Variants in TNRC6A observed in about 807,000 individuals in gnomAD.
TNRC6A encodes the protein trinucleotide repeat containing adaptor 6A.
A neutral mutation model predicts 221.2 loss-of-function variants in TNRC6A; 44 were observed. That is an observed-to-expected ratio of 0.20 (90% CI 0.16 to 0.26). TNRC6A has a LOEUF of 0.26. Ranked by LOEUF, TNRC6A falls within the 10% of genes least tolerant of loss-of-function variation. The pLI, the probability that TNRC6A is intolerant of heterozygous loss-of-function variation, is 1.00. For missense variants in TNRC6A, 2,199 were observed against 2,404.4 expected, an observed-to-expected ratio of 0.91 and a Z score of 1.79; for synonymous variants, 847 against 838.5, an observed-to-expected ratio of 1.01 and a Z score of -0.18.
At chr16:24,641,352 G>C (rs1470401871) in intron 2 of TNRC6A, among the ~76,000 whole-genome samples, 1 of 152,158 alleles carries the variant, frequency 6.6e-6, no homozygotes, top group Non-Finnish European at 1.5e-5. Context: ...AAAATCAATG[G>C]CCACTTGCAG....
intron 5 of TNRC6A, among the ~76,000 whole-genome samples, chr16:24,781,775 C>T (rs1248207333): frequency 6.6e-6 from 1 of 152,070 alleles, no homozygotes; most frequent in Non-Finnish European, 1.5e-5. Context: ...ACTCTTCCCT[C>T]TCCTATATGT....
intron 4 of TNRC6A, among the ~76,000 whole-genome samples, chr16:24,769,892 T>C (rs1287089118): frequency 2.0e-5 from 3 of 152,242 alleles, no homozygotes; most frequent in African/African-American, 7.2e-5. Flanking sequence ...TGGCAATTCC[T>C]GGATTATTCA....
At chr16:24,623,059 C>T (rs1440918893) in intron 1 of TNRC6A, among the ~76,000 whole-genome samples, 1 of 152,134 alleles carries the variant, frequency 6.6e-6, no homozygotes, top group African/African-American at 2.4e-5. Flanking sequence ...ACAGAGGAAC[C>T]GCTGTGCGTA....
intron 23 of TNRC6A, 55 bp from the exon 24 acceptor site, chr16:24,822,819 T>C: frequency 6.2e-7 from 1 of 1,608,576 alleles, no homozygotes; most frequent in Non-Finnish European, 8.5e-7. Context: ...TGAAACAGCC[T>C]CCTGGAGGGC....
chr16:24,761,692 AT>A (rs572729470), intron 4 of TNRC6A, among the ~76,000 whole-genome samples: 1 of 149,600 alleles, frequency 6.7e-6, no homozygotes, highest in African/African-American at 2.5e-5. Flanking sequence ...GGGGCAGGCT[AT>A]TTTTTTTTCT....
intron 1 of TNRC6A, among the ~76,000 whole-genome samples, chr16:24,635,020 C>T (rs1429080042): frequency 3.9e-5 from 6 of 152,268 alleles, no homozygotes; most frequent in Admixed American, 6.5e-5. Flanking sequence ...TCTTGAACTC[C>T]TGCCTCAGCC....
intron 2 of TNRC6A, among the ~76,000 whole-genome samples, chr16:24,643,078 ATT>A (rs1491500072): frequency 6.8e-5 from 9 of 133,232 alleles, no homozygotes; most frequent in African/African-American, 2.5e-4. Flanking sequence ...TTATATATAT[ATT>A]ATATATATAT....
intron 4 of TNRC6A, among the ~76,000 whole-genome samples, chr16:24,774,414 T>C (rs1410687289): frequency 6.6e-6 from 1 of 152,254 alleles, no homozygotes; most frequent in African/African-American, 2.4e-5. Context: ...CACATGGTAC[T>C]TTACTGATCA....
At chr16:24,635,593 C>A (rs1275005923) in intron 1 of TNRC6A, among the ~76,000 whole-genome samples, 1 of 152,108 alleles carries the variant, frequency 6.6e-6, no homozygotes, top group East Asian at 1.9e-4. Flanking sequence ...AGATTCTGCA[C>A]CTTTTTAAAA....
At chr16:24,749,235 T>A (rs2057081716) in intron 2 of TNRC6A, among the ~76,000 whole-genome samples, 1 of 152,278 alleles carries the variant, frequency 6.6e-6, no homozygotes, top group East Asian at 1.9e-4. Flanking sequence ...AGGTTTTTTT[T>A]GCCCAGTAGA....
intron 4 of TNRC6A, among the ~76,000 whole-genome samples, chr16:24,771,536 T>G (rs1474971157): frequency 2.0e-5 from 2 of 97,960 alleles, no homozygotes; most frequent in Non-Finnish European, 1.9e-5. Flanking sequence ...TATGTTATGT[T>G]ATGTTATGTT....
chr16:24,799,310 C>T (rs976549519), intron 11 of TNRC6A, among the ~76,000 whole-genome samples: 11 of 152,156 alleles, frequency 7.2e-5, no homozygotes, highest in Admixed American at 6.5e-4. Flanking sequence ...GTCAGTCATC[C>T]GCACAGATCA....
At chr16:24,690,994 A>G (rs1567359995) in intron 2 of TNRC6A, among the ~76,000 whole-genome samples, 1 of 151,906 alleles carries the variant, frequency 6.6e-6, no homozygotes, top group Non-Finnish European at 1.5e-5. Context: ...TATTTTTGGT[A>G]GAGACGGGGT....
chr16:24,703,733 C>G (rs1302250149), intron 2 of TNRC6A, among the ~76,000 whole-genome samples: 1 of 152,090 alleles, frequency 6.6e-6, no homozygotes, highest in African/African-American at 2.4e-5. Context: ...GCTTTCATTT[C>G]TCTTGAGTAT....
At chr16:24,693,302 T>A (rs1344802759) in intron 2 of TNRC6A, among the ~76,000 whole-genome samples, 2 of 150,620 alleles carry the variant, frequency 1.3e-5, no homozygotes, top group East Asian at 1.9e-4. Flanking sequence ...AAAAAAAAAA[T>A]TAGGCCAGAC....
rs1901994101 is a variant in TNRC6A, at chr16:24,642,353, T to C, written n.402+1344T>C. Among the ~76,000 whole-genome samples the C allele has an allele frequency of 2.0e-5, 3 of 152,040 alleles. No homozygotes were observed. In the South Asian group the frequency reaches 6.2e-4, roughly 32 times the overall value. On this transcript the variant is annotated intron_variant and non_coding_transcript_variant, in intron 2 of 2. Coordinates refer to the TNRC6A transcript ENST00000566108. ...GTCGAGTTGTCAGGCAGGGATTGAG[T>C]AGTGGTCAGTGGGCGGAAAGCAGGG...
At chr16:24,815,042 A>C (rs531028125) in intron 18 of TNRC6A, 105 bp from the exon 19 acceptor site, 1 of 1,287,960 alleles carries the variant, frequency 7.8e-7, no homozygotes, top group African/African-American at 1.5e-5. Flanking sequence ...CACAGCCTAG[A>C]GCCCACAGAT....
intron 3 of TNRC6A, among the ~76,000 whole-genome samples, chr16:24,751,273 A>G (rs2057131301): frequency 6.6e-6 from 1 of 152,174 alleles, no homozygotes; most frequent in South Asian, 2.1e-4. Context: ...TGTAATACAG[A>G]AATAGAGTAT....
chr16:24,750,870 A>AC, intron 3 of TNRC6A, 57 bp downstream of exon 3: 1 of 1,331,060 alleles, frequency 7.5e-7, no homozygotes, highest in Non-Finnish European at 9.8e-7. Flanking sequence ...TTAAAAAAAA[A>AC]TTACTCTTAC....
Sources: gnomAD v4.1 joint callset for allele counts (sites outside exome capture counted in the v4.1 genomes callset) on GRCh38, gnomAD v4.1.1 for gene constraint, MANE v1.5 for transcripts, NCBI Gene and HGNC (gene_info 2026-07-23, HGNC 2026-07-21) for gene names.